The following MAF variants were observed in gnomAD, a reference collection of about 807,000 sequenced individuals.
MAF encodes transcription factor Maf.
Under a neutral mutation model 22.0 loss-of-function variants are expected in MAF, and 10 were observed. That is an observed-to-expected ratio of 0.45 (90% CI 0.28 to 0.77). The LOEUF is 0.77. Among genes scored for constraint, MAF ranks in the 30% least tolerant of loss-of-function variants. MAF has a pLI of 0.12. For missense variants in MAF, 544 were observed against 548.4 expected (o/e 0.99, Z 0.08); for synonymous variants, 337 against 255.8 (o/e 1.32, Z -3.03).
the MAF span, among the ~76,000 whole-genome samples, chr16:79,424,889 T>C: frequency 6.6e-6 from 1 of 152,190 alleles, no homozygotes; most frequent in African/African-American, 2.4e-5. Flanking sequence ...ATATTTTCAT[T>C]ATGAAAAATA....
chr16:79,332,946 G>A, the MAF span, among the ~76,000 whole-genome samples: 2 of 152,202 alleles, frequency 1.3e-5, no homozygotes, highest in Non-Finnish European at 2.9e-5. Context: ...AAAGTCCATG[G>A]TGTCTTTTTG....
chr16:79,206,901 G>A, the MAF span, among the ~76,000 whole-genome samples: 1 of 152,174 alleles, frequency 6.6e-6, no homozygotes, highest in Non-Finnish European at 1.5e-5. Flanking sequence ...GATTGCTCTT[G>A]GATAGTGAGT....
At chr16:79,470,514 A>T in the MAF span, among the ~76,000 whole-genome samples, 2 of 152,254 alleles carry the variant, frequency 1.3e-5, no homozygotes, top group Non-Finnish European at 2.9e-5. Flanking sequence ...GGGCAGGTCC[A>T]TATCTTCCAA....
the MAF span, among the ~76,000 whole-genome samples, chr16:79,485,053 T>G: frequency 1.3e-5 from 2 of 152,200 alleles, no homozygotes; most frequent in African/African-American, 4.8e-5. Flanking sequence ...GATTGCCTGA[T>G]TAGACTTTTA....
At chr16:79,548,025 CA>C in the MAF span, among the ~76,000 whole-genome samples, 4 of 152,102 alleles carry the variant, frequency 2.6e-5, no homozygotes, top group South Asian at 4.2e-4. Flanking sequence ...TTCACACACA[CA>C]AAAAACTGAG....
At chr16:79,549,674 G>A in the MAF span, among the ~76,000 whole-genome samples, 8 of 152,136 alleles carry the variant, frequency 5.3e-5, no homozygotes, top group South Asian at 2.1e-4. Context: ...TTGTCTGTCC[G>A]AAGCCTGACA....
chr16:79,457,305 A>T, the MAF span, among the ~76,000 whole-genome samples: 1,846 of 151,886 alleles, frequency 0.012, 43 homozygotes, highest in African/African-American at 0.042. Context: ...ATACTTTGAC[A>T]TGGCTGCCCT....
the MAF span, among the ~76,000 whole-genome samples, chr16:79,393,181 C>T: frequency 6.6e-6 from 1 of 152,248 alleles, no homozygotes; most frequent in East Asian, 1.9e-4. Flanking sequence ...TCTCATTATA[C>T]TCCCAATATG....
chr16:79,519,863 T>C, the MAF span, among the ~76,000 whole-genome samples: 3 of 152,234 alleles, frequency 2.0e-5, no homozygotes, highest in African/African-American at 4.8e-5. Flanking sequence ...CTGGACCCTG[T>C]TGACTGCTCG....
At chr16:79,476,885 G>A in the MAF span, among the ~76,000 whole-genome samples, 1 of 152,144 alleles carries the variant, frequency 6.6e-6, no homozygotes, top group East Asian at 1.9e-4. Context: ...TCCTGCGGGA[G>A]CTCCTGTGTG....
chr16:79,353,796 G>A, the MAF span, among the ~76,000 whole-genome samples: 7 of 151,984 alleles, frequency 4.6e-5, no homozygotes, highest in African/African-American at 1.7e-4. Context: ...ACTCCCTGAA[G>A]GAAAAAAGAA....
chr16:79,306,649 C>CTT, the MAF span, among the ~76,000 whole-genome samples: 1 of 152,212 alleles, frequency 6.6e-6, no homozygotes, highest in African/African-American at 2.4e-5. Context: ...TGGTCACACT[C>CTT]TAAGTGCTCA....
chr16:79,416,187 C>T, the MAF span, among the ~76,000 whole-genome samples: 21 of 152,256 alleles, frequency 1.4e-4, no homozygotes, highest in East Asian at 3.9e-4. Context: ...AGTTAGACAA[C>T]GACACCACCA....
chr16:79,445,085 G>A, the MAF span, among the ~76,000 whole-genome samples: 2 of 152,088 alleles, frequency 1.3e-5, no homozygotes, highest in Admixed American at 1.3e-4. Flanking sequence ...CCAGACTGGA[G>A]TGCAGCGGCA....
chr16:79,492,296 A>G, the MAF span, among the ~76,000 whole-genome samples: 1 of 152,090 alleles, frequency 6.6e-6, no homozygotes, highest in Non-Finnish European at 1.5e-5. Flanking sequence ...CGGGTGCAAA[A>G]TTTAAGGGAG....
At chr16:79,315,989 C>T in the MAF span, among the ~76,000 whole-genome samples, 3 of 152,206 alleles carry the variant, frequency 2.0e-5, no homozygotes, top group Admixed American at 6.5e-5. Context: ...ACCTCTTGTG[C>T]GAGTTGCTGG....
the MAF span, among the ~76,000 whole-genome samples, chr16:79,555,913 C>A: frequency 2.0e-5 from 3 of 151,666 alleles, no homozygotes; most frequent in African/African-American, 7.3e-5. Context: ...AAACAGATAA[C>A]ATAGATGTAG....
At chr16:79,313,500 C>A in the MAF span, among the ~76,000 whole-genome samples, 1 of 152,180 alleles carries the variant, frequency 6.6e-6, no homozygotes, top group Non-Finnish European at 1.5e-5. Flanking sequence ...GGACTGTTCC[C>A]ATCACCCAAA....
the MAF span, among the ~76,000 whole-genome samples, chr16:79,428,872 G>A: frequency 5.0e-4 from 39 of 78,212 alleles, no homozygotes; most frequent in African/African-American, 1.6e-3. Context: ...AATAATAATA[G>A]TAATAATGAA....
Sources: allele counts gnomAD v4.1 joint callset (sites outside exome capture counted in the v4.1 genomes callset), GRCh38; gene constraint gnomAD v4.1.1; transcripts MANE v1.5; gene names NCBI Gene and HGNC (gene_info 2026-07-23, HGNC 2026-07-21).